VPS13D: variants seen among roughly 807,000 people sequenced by gnomAD.
VPS13D encodes vacuolar protein sorting 13 homolog D.
VPS13D carries 187 observed loss-of-function variants against 461.9 expected under a neutral mutation model. That is an observed-to-expected ratio of 0.40 (90% CI 0.36 to 0.46). The LOEUF is 0.46. Ranked by LOEUF, VPS13D falls within the 20% of genes least tolerant of loss-of-function variation. The pLI is 0.60. For synonymous variants in VPS13D, 1,951 were observed against 1,986.3 expected (o/e 0.98, Z 0.47); for missense variants, 4,711 against 5,364.9 (o/e 0.88, Z 3.81).
intron 63 of VPS13D, among the ~76,000 whole-genome samples, chr1:12,405,341 T>A (rs926843361): frequency 6.7e-6 from 1 of 149,264 alleles, no homozygotes; most frequent in Non-Finnish European, 1.5e-5. Flanking sequence ...TTTTTAAACC[T>A]TGTGGGCCTA....
chr1:12,464,369 T>G (rs1223994672), intron 67 of VPS13D, among the ~76,000 whole-genome samples: 1 of 152,202 alleles, frequency 6.6e-6, no homozygotes, highest in African/African-American at 2.4e-5. Flanking sequence ...GACTTTCTGC[T>G]TCCTTTGTAA....
chr1:12,308,599 A>G lies in VPS13D; in HGVS notation c.6608A>G (p.Glu2203Gly). 1 of 1,612,534 alleles carries G rather than the reference A, an allele frequency of 6.2e-7. No individual in the cohort carries two copies. Among genetic ancestry groups the G allele is most frequent in the African/African-American group, 1.3e-5 (1 of 74,434 alleles). ...VRQTGGSLLT[E>G]PCRLKLQVER... is the part of the protein sequence containing the mutation. Reference sequence around the variant, plus strand: ...CAGACAGGAGGAAGCCTCTTAACCGAGCCTTGTAGGCTGAAATTGCAGGTG... The same window carrying G: ...CAGACAGGAGGAAGCCTCTTAACCGGGCCTTGTAGGCTGAAATTGCAGGTG... Residue 2203 changes from glutamate (E) to glycine (G), a missense_variant, in exon 27 of 70, where the codon GAG becomes GGG. By Grantham distance (98) the Glu-to-Gly change is moderately conservative (BLOSUM62 -2). Coordinates refer to ENST00000620676, the MANE Select transcript of VPS13D (RefSeq NM_015378.4).
intron 38 of VPS13D, among the ~76,000 whole-genome samples, 199 bp downstream of exon 38, chr1:12,333,565 C>T (rs1040016821): frequency 2.2e-4 from 33 of 152,208 alleles, no homozygotes; most frequent in Admixed American, 2.2e-3. Context: ...CATAATGATG[C>T]TATCAGTGGT....
intron 65 of VPS13D, among the ~76,000 whole-genome samples, chr1:12,432,643 T>C (rs986918032): frequency 2.6e-5 from 4 of 151,522 alleles, no homozygotes; most frequent in Admixed American, 1.3e-4. Context: ...TCTCACTGGC[T>C]GAAGTGCAAT....
Position 12,299,055 on chromosome 1 carries a change from C to T in VPS13D, c.6034-147C>T, listed in dbSNP as rs1289352342. On this transcript the variant is annotated intron_variant, in intron 24 of 69. Transcript: ENST00000620676. The surrounding 1 kb of genome is among the most constrained non-coding windows in gnomAD (Gnocchi z 4.2). ...CCATTATCTTCTTGTTACTGACTTC[C>T]AGTTTAACTCCATGGTGGTCATAGA... 8 of 616,920 alleles carry T rather than the reference C, an allele frequency of 1.3e-5. No homozygotes were observed. The East Asian group carries it at 2.5e-4, about 20-fold the overall frequency. 38.2% of individuals were successfully genotyped at this position (616,920 alleles called of 1,614,324 possible). A position where few individuals can be genotyped will look rare whatever the true frequency, so the allele number is the denominator to read the frequency against.
At chr1:12,332,765 A>C (rs764934037) in intron 37 of VPS13D, among the ~76,000 whole-genome samples, 6 of 152,316 alleles carry the variant, frequency 3.9e-5, no homozygotes, top group African/African-American at 1.4e-4. Flanking sequence ...GTTTTTGTGC[A>C]TATTTTAAGA....
chr1:12,333,159 G>T, intron 37 of VPS13D, 67 bp from the exon 38 acceptor site: 2 of 1,531,410 alleles, frequency 1.3e-6, no homozygotes, highest in Non-Finnish European at 1.8e-6. Flanking sequence ...GAACATTTGC[G>T]AGCAGTGTTC....
chr1:12,277,871 A>T lies in VPS13D; in HGVS notation c.4283A>T (p.Asp1428Val). Residue 1428 changes from aspartate (D) to valine (V), a missense_variant, in exon 19 of 70, where the codon GAC (aspartate) becomes GTC (valine). Asp to Val is a radical substitution (Grantham distance 152). Coordinates refer to ENST00000620676, the MANE Select transcript of VPS13D (RefSeq NM_015378.4). Reference protein sequence around the residue: ...RSDRLQVEIKDIKLYSLNCTQ... With the variant: ...RSDRLQVEIKVIKLYSLNCTQ... ...GACCGTCTGCAGGTGGAAATCAAGG[A>T]CATTAAACTGTATTCTTTGAATTGC... 1 of 1,614,128 alleles carries T rather than the reference A, an allele frequency of 6.2e-7. No individual in the cohort carries two copies. The highest frequency in any genetic ancestry group is 8.5e-7 in the Non-Finnish European group (1 of 1,180,012).
intron 10 of VPS13D, among the ~76,000 whole-genome samples, chr1:12,259,442 A>T (rs1641033750): frequency 6.6e-6 from 1 of 151,452 alleles, no homozygotes; most frequent in Admixed American, 6.6e-5. Flanking sequence ...CAGCCTCCTG[A>T]GTAGCTGCAC....
intron 5 of VPS13D, among the ~76,000 whole-genome samples, chr1:12,248,246 T>C (rs779515176): frequency 3.3e-5 from 5 of 152,166 alleles, no homozygotes; most frequent in Admixed American, 3.3e-4. Flanking sequence ...ATAAGAGCTC[T>C]CTATATATTC....
chr1:12,387,725 A>G (rs1322489599), intron 60 of VPS13D, among the ~76,000 whole-genome samples: 1 of 152,260 alleles, frequency 6.6e-6, no homozygotes, highest in Admixed American at 6.5e-5. Context: ...AATGAAAACT[A>G]CACTGGATGG....
chr1:12,495,585 A>T lies in VPS13D; in HGVS notation c.12663-1915A>T, dbSNP rs569836841. On this transcript the variant is annotated intron_variant, in intron 67 of 69. Coordinates refer to ENST00000620676, the MANE Select transcript of VPS13D (RefSeq NM_015378.4). This position sits in a 1 kb window ranked among gnomAD's most constrained non-coding sequence, Gnocchi z 4.0. ...CAAATCCAGGGATCCTTTGTTAGTT[A>T]TGATCGAGATGGAGAAATAGTCAGA... Among the ~76,000 whole-genome samples, 1 of 152,322 alleles carries T rather than the reference A, an allele frequency of 6.6e-6. No homozygotes were observed. Among genetic ancestry groups the T allele is most frequent in the East Asian group, 1.9e-4 (1 of 5,186 alleles).
intron 6 of VPS13D, among the ~76,000 whole-genome samples, chr1:12,252,468 G>A (rs1241514860): frequency 6.6e-6 from 1 of 152,084 alleles, no homozygotes; most frequent in Non-Finnish European, 1.5e-5. Context: ...ACCAACAGAG[G>A]ATCGGAAAAT....
intron 65 of VPS13D, among the ~76,000 whole-genome samples, chr1:12,420,675 T>C (rs1330247986): frequency 6.6e-6 from 1 of 152,254 alleles, no homozygotes; most frequent in African/African-American, 2.4e-5. Context: ...GACATACGTT[T>C]GTACATTGAG....
rs745623543 is a variant in VPS13D at position 12,256,421 on chromosome 1, C to T, written c.758C>T (p.Ser253Phe). Residue 253 changes from serine (S) to phenylalanine (F), a missense_variant, in exon 8 of 70, where the codon TCC (serine) becomes TTC (phenylalanine). Ser to Phe is a radical substitution (Grantham distance 155). Coordinates refer to ENST00000620676, the MANE Select transcript of VPS13D (RefSeq NM_015378.4). ...FASALLKRNC[S>F]KKPLRSRHSP... is the part of the protein sequence containing the mutation. ...TCTGCTCTTTTGAAGAGAAACTGCTCCAAGAAGCCCCTGCGGTCTCGGCAC... is the reference window on the plus strand; with the variant it reads ...TCTGCTCTTTTGAAGAGAAACTGCTTCAAGAAGCCCCTGCGGTCTCGGCAC... 3.1e-6 allele frequency: 5 copies of T among 1,614,104 alleles called. No individual in the cohort carries two copies. In the South Asian group the frequency reaches 5.5e-5, roughly 18 times the overall value.
chr1:12,450,688 A>T (rs1338225487), intron 65 of VPS13D, among the ~76,000 whole-genome samples: 4 of 152,246 alleles, frequency 2.6e-5, no homozygotes, highest in Non-Finnish European at 4.4e-5. Context: ...CCCAGCTGTC[A>T]GCTAATGTAA....
intron 21 of VPS13D, among the ~76,000 whole-genome samples, chr1:12,283,971 G>C (rs1225037409): frequency 6.6e-6 from 1 of 152,126 alleles, no homozygotes; most frequent in Non-Finnish European, 1.5e-5. Flanking sequence ...CCTTTCCTTT[G>C]AGCTCTATAA....
At chr1:12,314,368 C>A (rs1319239277) in intron 30 of VPS13D, 41 bp downstream of exon 30, 3 of 1,586,020 alleles carry the variant, frequency 1.9e-6, no homozygotes, top group Non-Finnish European at 2.6e-6. Flanking sequence ...TTTGTGGAGA[C>A]ATTCCCTTTT....
rs1557731202 is a variant in VPS13D, at chr1:12,358,677, A to T, written c.10141+76A>T. The T allele has an allele frequency of 3.2e-6, 5 of 1,561,716 alleles. No individual in the cohort carries two copies. In the East Asian group the frequency reaches 1.1e-4, roughly 35 times the overall value. ...TCAGGCTTGGAGGAATGACCTGGCCATGCATTTTGGCCTGACTACAAGTAC... is the reference window on the plus strand; with the variant it reads ...TCAGGCTTGGAGGAATGACCTGGCCTTGCATTTTGGCCTGACTACAAGTAC... On this transcript the variant is annotated intron_variant, in intron 50 of 69. Coordinates refer to ENST00000620676, the MANE Select transcript of VPS13D (RefSeq NM_015378.4).
Sources: allele counts gnomAD v4.1 joint callset (sites outside exome capture counted in the v4.1 genomes callset), GRCh38; gene constraint gnomAD v4.1.1; non-coding constraint Gnocchi (gnomAD v3.1); transcripts MANE v1.5; gene names NCBI Gene and HGNC (gene_info 2026-07-23, HGNC 2026-07-21).